The following EPHA5 variants were observed in gnomAD, a reference collection of about 807,000 sequenced individuals.
The protein encoded by EPHA5 is ephrin type-A receptor 5.
In EPHA5, 60 loss-of-function variants were observed where a neutral mutation model predicts 105.0. The observed-to-expected ratio is 0.57, with a 90% CI of 0.46 to 0.71. EPHA5 has a LOEUF of 0.71. Ranked by LOEUF, EPHA5 falls within the 30% of genes least tolerant of loss-of-function variation. The pLI, the probability that EPHA5 is intolerant of heterozygous loss-of-function variation, is 0.00. For synonymous variants in EPHA5, 513 were observed against 449.1 expected, an observed-to-expected ratio of 1.14 and a Z score of -1.80; for missense variants, 1,218 against 1,274.7, an observed-to-expected ratio of 0.96 and a Z score of 0.68.
intron 16 of EPHA5, chr4:65,331,518 C>A (rs1423800057): frequency 2.8e-6 from 3 of 1,053,694 alleles, no homozygotes; most frequent in Non-Finnish European, 2.3e-6. Flanking sequence ...GCCAGGGAAG[C>A]TTTGTTTAAG....
intron 2 of EPHA5, among the ~76,000 whole-genome samples, chr4:65,607,473 A>T (rs1406040507): frequency 9.2e-6 from 1 of 108,324 alleles, no homozygotes; most frequent in African/African-American, 2.7e-5. Flanking sequence ...AAAATACAAA[A>T]ACAAACAAAC....
At chr4:65,487,799 G>T (rs1731020442) in intron 5 of EPHA5, among the ~76,000 whole-genome samples, 1 of 152,174 alleles carries the variant, frequency 6.6e-6, no homozygotes, top group Admixed American at 6.5e-5. Context: ...ATAAAACTCT[G>T]GTCTCCTGCT....
chr4:65,608,136 A>T (rs1236106896), intron 2 of EPHA5, among the ~76,000 whole-genome samples: 1 of 152,174 alleles, frequency 6.6e-6, no homozygotes, highest in Non-Finnish European at 1.5e-5. Flanking sequence ...TCACCATGGC[A>T]CGTGTATTAC....
At chr4:65,358,808 T>C (rs1367841432) in intron 11 of EPHA5, among the ~76,000 whole-genome samples, 1 of 151,596 alleles carries the variant, frequency 6.6e-6, no homozygotes, top group African/African-American at 2.4e-5. Flanking sequence ...GACAGGAGCA[T>C]GGAAATGCAA....
intron 3 of EPHA5, among the ~76,000 whole-genome samples, chr4:65,535,228 G>A (rs913790269): frequency 6.6e-6 from 1 of 152,090 alleles, no homozygotes; most frequent in Non-Finnish European, 1.5e-5. Flanking sequence ...AATTGCTAAT[G>A]AGACCACTGT....
intron 2 of EPHA5, among the ~76,000 whole-genome samples, chr4:65,619,101 T>C (rs1213709634): frequency 6.6e-6 from 1 of 151,884 alleles, no homozygotes; most frequent in East Asian, 1.9e-4. Context: ...TGAGCAGAGA[T>C]CGCGGCACTG....
At chr4:65,484,955 G>A (rs1284997966) in intron 5 of EPHA5, among the ~76,000 whole-genome samples, 5 of 151,898 alleles carry the variant, frequency 3.3e-5, no homozygotes, top group African/African-American at 4.8e-5. Flanking sequence ...CAACAGAAGT[G>A]TTGTCATGTA....
At chr4:65,426,259 A>G (rs565090560) in intron 5 of EPHA5, among the ~76,000 whole-genome samples, 20 of 152,056 alleles carry the variant, frequency 1.3e-4, no homozygotes, top group Non-Finnish European at 2.5e-4. Context: ...ATGACCTTCT[A>G]TATGTTTCTT....
At chr4:65,627,549 T>G (rs1299086651) in intron 2 of EPHA5, among the ~76,000 whole-genome samples, 2 of 152,156 alleles carry the variant, frequency 1.3e-5, no homozygotes, top group African/African-American at 2.4e-5. Flanking sequence ...AACTGTAATG[T>G]TTGTCCTGTT....
intron 5 of EPHA5, among the ~76,000 whole-genome samples, chr4:65,489,671 GA>G (rs1302306719): frequency 6.6e-6 from 1 of 152,168 alleles, no homozygotes; most frequent in African/African-American, 2.4e-5. Context: ...TACCAGGAAA[GA>G]AGTCTTCCAT....
intron 3 of EPHA5, among the ~76,000 whole-genome samples, chr4:65,598,552 C>T (rs1743399745): frequency 6.6e-6 from 1 of 152,030 alleles, no homozygotes; most frequent in Admixed American, 6.6e-5. Context: ...TGTGGACTAA[C>T]AGGAGTAGAA....
intron 5 of EPHA5, among the ~76,000 whole-genome samples, chr4:65,421,494 G>A (rs1461388606): frequency 6.6e-6 from 1 of 152,070 alleles, no homozygotes; most frequent in Admixed American, 6.6e-5. Flanking sequence ...ATATCTGTAT[G>A]AATTATTTTG....
intron 5 of EPHA5, among the ~76,000 whole-genome samples, chr4:65,421,050 C>G (rs1175622010): frequency 6.6e-6 from 1 of 151,910 alleles, no homozygotes. Flanking sequence ...GGGCAGGTTC[C>G]TTAAGAAACA....
Position 65,331,955 on chromosome 4 carries a change from A to G in EPHA5, c.2945+18T>C, listed in dbSNP as rs2148797737. 6.4e-7 allele frequency: 1 copy of G among 1,573,680 alleles called. No individual in the cohort carries two copies. The highest frequency in any genetic ancestry group is 1.7e-4 in the Middle Eastern group (1 of 5,852). The stretch of plus-strand genomic sequence containing the variant: ...TTGCCCCAGCAATTATGTAAAAATT[A>G]TCAGAAAAATTACTCACTCCAAGGT... On this transcript the variant is annotated intron_variant, in intron 16 of 16. Coordinates refer to ENST00000613740, the MANE Select transcript of EPHA5 (RefSeq NM_001281766.3).
In EPHA5 at chr4:65,602,261, T is replaced by C; in HGVS notation, c.290A>G (p.His97Arg). 1 of 1,608,818 alleles carries C rather than the reference T, an allele frequency of 6.2e-7. No homozygotes were observed. The highest frequency in any genetic ancestry group is 8.5e-7 in the Non-Finnish European group (1 of 1,178,820). ...GEVDENYAPI[H>R]TYQVCKVMEQ... ...CATCACTTTGCATACTTGGTATGTG[T>C]GGATAGGGGCATAATTTTCATCCAC... is the stretch of plus-strand genomic sequence containing the variant. Residue 97 changes from histidine to arginine, a missense_variant, in exon 3 of 17, where the codon CAC becomes CGC. His to Arg is a conservative substitution (Grantham distance 29, BLOSUM62 0). Coordinates refer to ENST00000613740, the MANE Select transcript of EPHA5 (RefSeq NM_001281766.3).
At chr4:65,644,624 T>G in intron 1 of EPHA5, among the ~76,000 whole-genome samples, 1 of 152,042 alleles carries the variant, frequency 6.6e-6, no homozygotes, top group East Asian at 1.9e-4. Context: ...TAAGATAATA[T>G]AACATTATTA....
chr4:65,379,215 C>T (rs888644270), intron 8 of EPHA5, among the ~76,000 whole-genome samples: 1 of 151,458 alleles, frequency 6.6e-6, no homozygotes, highest in Non-Finnish European at 1.5e-5. Flanking sequence ...AAAATAATAA[C>T]ATTTTATAAA....
At chr4:65,481,853 C>T (rs975869208) in intron 5 of EPHA5, among the ~76,000 whole-genome samples, 4 of 152,264 alleles carry the variant, frequency 2.6e-5, no homozygotes, top group African/African-American at 7.2e-5. Context: ...GGCTTAGGTG[C>T]TAAATACTTC....
Position 65,646,397 on chromosome 4 carries a change from C to T in EPHA5, c.182-2970G>A, listed in dbSNP as rs537130087. Among the ~76,000 whole-genome samples the T allele has an allele frequency of 1.4e-3, 207 of 152,194 alleles. 5 individuals are homozygous for T. The highest frequency in any genetic ancestry group is 3.4e-4 in the Non-Finnish European group (23 of 68,032). On this transcript the variant is annotated intron_variant, in intron 1 of 16. Transcript: ENST00000613740. ...CAGGAGGGTGTGGCTAATCAGCATA[C>T]ACCAGTGGTTCTCAACATGGAGATA...
Sources: allele counts gnomAD v4.1 joint callset (sites outside exome capture counted in the v4.1 genomes callset), GRCh38; gene constraint gnomAD v4.1.1; transcripts MANE v1.5; gene names NCBI Gene and HGNC (gene_info 2026-07-23, HGNC 2026-07-21).